Variants in PDE1A observed in about 807,000 individuals in gnomAD.
PDE1A encodes dual specificity calcium/calmodulin-dependent 3',5'-cyclic nucleotide phosphodiesterase 1A.
Under a neutral mutation model 61.7 loss-of-function variants are expected in PDE1A, and 35 were observed. The observed-to-expected ratio is 0.57, with a 90% CI of 0.43 to 0.75. The LOEUF (loss-of-function observed/expected upper bound fraction) is 0.75, where lower values mean the gene tolerates loss of function less well. PDE1A is among the 30% of genes least tolerant of loss of function. PDE1A has a pLI of 0.00. For missense variants in PDE1A, 597 were observed against 630.6 expected, an observed-to-expected ratio of 0.95 and a Z score of 0.57; for synonymous variants, 232 against 213.2, an observed-to-expected ratio of 1.09 and a Z score of -0.77.
intron 2 of PDE1A, among the ~76,000 whole-genome samples, chr2:182,520,816 T>A (rs920878049): frequency 6.6e-6 from 1 of 151,962 alleles, no homozygotes; most frequent in Non-Finnish European, 1.5e-5. Context: ...ATCCACTCAT[T>A]AGGCTAAAAC....
At chr2:182,591,334 GT>G in the PDE1A span, among the ~76,000 whole-genome samples, 1 of 152,158 alleles carries the variant, frequency 6.6e-6, no homozygotes, top group Non-Finnish European at 1.5e-5. Flanking sequence ...AAACAGTTAA[GT>G]CCCAGTTATC....
chr2:182,241,740 C>T (rs546099862), intron 2 of PDE1A: 22 of 975,558 alleles, frequency 2.3e-5, no homozygotes, highest in South Asian at 1.2e-4. Context: ...CACAAAGATA[C>T]GTGTATACAT....
At chr2:182,384,811 C>A (rs544667576) in intron 1 of PDE1A, among the ~76,000 whole-genome samples, 1 of 151,936 alleles carries the variant, frequency 6.6e-6, no homozygotes, top group African/African-American at 2.4e-5. Flanking sequence ...TATTGAAATA[C>A]AGAAAGGTCA....
chr2:182,567,191 T>C, the PDE1A span, among the ~76,000 whole-genome samples: 1 of 152,178 alleles, frequency 6.6e-6, no homozygotes, highest in African/African-American at 2.4e-5. Context: ...TGAGAGAACA[T>C]TACCAAGAAT....
intron 2 of PDE1A, among the ~76,000 whole-genome samples, chr2:182,446,135 A>G (rs1244196087): frequency 6.6e-6 from 1 of 152,128 alleles, no homozygotes; most frequent in Non-Finnish European, 1.5e-5. Flanking sequence ...TTTTAAATAT[A>G]ATAGCCAGAA....
intron 4 of PDE1A, among the ~76,000 whole-genome samples, chr2:182,233,359 C>T (rs1329945277): frequency 1.3e-5 from 2 of 152,014 alleles, no homozygotes; most frequent in Non-Finnish European, 2.9e-5. Context: ...AACCCTCACA[C>T]GCACATTTCA....
chr2:182,202,208 C>T (rs1448823041), intron 8 of PDE1A, among the ~76,000 whole-genome samples: 2 of 152,122 alleles, frequency 1.3e-5, no homozygotes, highest in African/African-American at 2.4e-5. Flanking sequence ...TGAGACTATT[C>T]TAAATCCACA....
At chr2:182,538,627 T>C in the PDE1A span, among the ~76,000 whole-genome samples, 2 of 152,200 alleles carry the variant, frequency 1.3e-5, no homozygotes, top group Non-Finnish European at 2.9e-5. Context: ...GTAAATATCT[T>C]ATGAATAGAT....
chr2:182,168,682 T>C (rs1220332710), intron 13 of PDE1A, among the ~76,000 whole-genome samples: 1 of 152,142 alleles, frequency 6.6e-6, no homozygotes, highest in Admixed American at 6.6e-5. Context: ...ACAAATAGTA[T>C]GCAATGCAAA....
At chr2:182,185,917 C>T (rs1685162401) in exon 13 of PDE1A, 1 of 1,613,932 alleles carries the variant, frequency 6.2e-7, no homozygotes, top group Admixed American at 1.7e-5. Context: ...CTTTCCACCT[C>T]TCTTTGTTCT....
chr2:182,471,727 G>A (rs529009915), intron 2 of PDE1A, among the ~76,000 whole-genome samples: 5 of 151,290 alleles, frequency 3.3e-5, no homozygotes, highest in Non-Finnish European at 7.4e-5. Context: ...AAAGTCAATG[G>A]TTCAGCAATA....
chr2:182,536,336 C>A, the PDE1A span, among the ~76,000 whole-genome samples: 1 of 152,164 alleles, frequency 6.6e-6, no homozygotes, highest in Non-Finnish European at 1.5e-5. Context: ...GTTTCTGGAA[C>A]AGTTTATGGA....
At chr2:182,356,965 G>T (rs977087624) in intron 1 of PDE1A, among the ~76,000 whole-genome samples, 2 of 152,064 alleles carry the variant, frequency 1.3e-5, no homozygotes, top group South Asian at 4.1e-4. Context: ...CTCACTCATA[G>T]GTGGGAATTG....
the PDE1A span, among the ~76,000 whole-genome samples, chr2:182,608,538 G>A: frequency 1.3e-5 from 2 of 152,290 alleles, no homozygotes; most frequent in East Asian, 3.9e-4. Flanking sequence ...TGGGCTCGGC[G>A]GCCCGGCACT....
At chr2:182,455,345 G>A (rs575616048) in intron 2 of PDE1A, among the ~76,000 whole-genome samples, 2 of 152,166 alleles carry the variant, frequency 1.3e-5, no homozygotes, top group Non-Finnish European at 2.9e-5. Context: ...GGAAGTCAGT[G>A]TGGCGATTCC....
At chr2:182,341,211 G>A (rs908414454) in intron 1 of PDE1A, among the ~76,000 whole-genome samples, 3 of 152,088 alleles carry the variant, frequency 2.0e-5, no homozygotes, top group African/African-American at 7.2e-5. Flanking sequence ...TTTTATTAAG[G>A]AGAGAAGCAA....
intron 1 of PDE1A, among the ~76,000 whole-genome samples, chr2:182,327,383 C>G (rs1404494832): frequency 6.6e-6 from 1 of 152,096 alleles, no homozygotes; most frequent in Non-Finnish European, 1.5e-5. Context: ...AATTTATTTT[C>G]AGAAGTCAAT....
At chr2:182,458,277 T>C (rs1172995275) in intron 2 of PDE1A, among the ~76,000 whole-genome samples, 2 of 152,108 alleles carry the variant, frequency 1.3e-5, no homozygotes, top group African/African-American at 4.8e-5. Context: ...AAGAAAGGCA[T>C]TCATAATAAA....
At chr2:182,455,081 C>G (rs1405060205) in intron 2 of PDE1A, among the ~76,000 whole-genome samples, 3 of 151,828 alleles carry the variant, frequency 2.0e-5, no homozygotes, top group South Asian at 4.2e-4. Context: ...ACAACCCCAT[C>G]AAAATGTGGG....
Sources: gnomAD v4.1 joint callset for allele counts (sites outside exome capture counted in the v4.1 genomes callset) on GRCh38, gnomAD v4.1.1 for gene constraint, MANE v1.5 for transcripts, NCBI Gene and HGNC (gene_info 2026-07-23, HGNC 2026-07-21) for gene names.